The following RIPK1 variants were observed in gnomAD, a reference collection of about 807,000 sequenced individuals.
RIPK1 encodes the protein receptor interacting serine/threonine kinase 1.
Under a neutral mutation model 62.4 loss-of-function variants are expected in RIPK1, and 27 were observed. The ratio of observed to expected loss-of-function variants is 0.43; its 90% CI spans 0.32 to 0.60. The LOEUF is 0.60. RIPK1 is among the 20% of genes least tolerant of loss of function. RIPK1 has a pLI of 0.07. For missense variants in RIPK1, 735 were observed against 831.0 expected (o/e 0.88, Z 1.42); for synonymous variants, 287 against 303.2 (o/e 0.95, Z 0.55).
intron 7 of RIPK1, among the ~76,000 whole-genome samples, chr6:3,100,200 T>A (rs1042075142): frequency 5.9e-5 from 9 of 152,138 alleles, no homozygotes; most frequent in East Asian, 5.8e-4. Context: ...GTTGTACAGA[T>A]CACTTGAGGT....
At chr6:3,082,134 C>T (rs1444438342) in intron 4 of RIPK1, among the ~76,000 whole-genome samples, 2 of 152,116 alleles carry the variant, frequency 1.3e-5, no homozygotes, top group African/African-American at 2.4e-5. Context: ...GCACAAGAAT[C>T]CAAAAGGGGA....
At chr6:3,087,751 G>A (rs1051542020) in intron 6 of RIPK1, among the ~76,000 whole-genome samples, 12 of 151,124 alleles carry the variant, frequency 7.9e-5, no homozygotes, top group African/African-American at 2.2e-4. Context: ...GTGTTAGCCA[G>A]GATGGTCTCC....
chr6:3,107,330 G>A (rs1760902728), intron 9 of RIPK1, among the ~76,000 whole-genome samples: 1 of 149,498 alleles, frequency 6.7e-6, no homozygotes, highest in Admixed American at 6.7e-5. Context: ...GCCGAGGTGG[G>A]AAGATCACGA....
At position 3,105,382 on chromosome 6, in the gene RIPK1, G is replaced by C; in HGVS notation, c.1007-100G>C. ...TGGACTGGTCTCGTACTTGTTTTCT[G>C]TGTGTTACTTTGAGATACAGATTCA... is the stretch of plus-strand genomic sequence containing the variant. On this transcript the variant is annotated intron_variant, in intron 8 of 10. Coordinates refer to ENST00000259808, the MANE Select transcript of RIPK1 (RefSeq NM_001354930.2). This position sits in a 1 kb window ranked among gnomAD's most constrained non-coding sequence, Gnocchi z 4.5. 1 of 915,502 alleles carries C rather than the reference G, an allele frequency of 1.1e-6. No homozygotes were observed. 56.7% of individuals were successfully genotyped at this position (915,502 alleles called of 1,614,324 possible).
At chr6:3,068,403 C>T, upstream of RIPK1, 1 of 985,474 alleles carries the variant, frequency 1.0e-6, no homozygotes, top group Non-Finnish European at 1.2e-6. Flanking sequence ...GACTCAGACC[C>T]CGGGCGCGAG....
intron 9 of RIPK1, among the ~76,000 whole-genome samples, chr6:3,110,536 C>A (rs1210564057): frequency 6.6e-6 from 1 of 151,886 alleles, no homozygotes; most frequent in Non-Finnish European, 1.5e-5. Context: ...AGCAGCTGCA[C>A]CATTTCACAT....
At chr6:3,087,170 C>T (rs1759741305) in intron 6 of RIPK1, among the ~76,000 whole-genome samples, 1 of 152,004 alleles carries the variant, frequency 6.6e-6, no homozygotes, top group Admixed American at 6.6e-5. Flanking sequence ...CTTTATTTTT[C>T]AGAGATTTAG....
At position 3,113,091 on chromosome 6, in the gene RIPK1, A is replaced by G. The variant is rs1761247939; in HGVS notation, c.1768A>G (p.Ile590Val). ...TCTGACGGATAAACACCTGGACCCA[A>G]TCAGGGAAAATCTGGGAAAGCACTG... The part of the protein sequence containing the change: ...TSLTDKHLDP[I>V]RENLGKHWKN... The change falls in exon 11 of 11, where the codon ATC becomes GTC. Residue 590 changes from isoleucine (I) to valine (V), a missense_variant. Transcript: ENST00000259808. This position sits in a 1 kb window ranked among gnomAD's most constrained non-coding sequence, Gnocchi z 5.0. The G allele has an allele frequency of 6.3e-7, 1 of 1,595,826 alleles. No homozygotes were observed. The highest frequency in any genetic ancestry group is 8.6e-7 in the Non-Finnish European group (1 of 1,168,788).
At chr6:3,076,041 C>T (rs1265687596) in intron 1 of RIPK1, among the ~76,000 whole-genome samples, 4 of 152,030 alleles carry the variant, frequency 2.6e-5, no homozygotes, top group African/African-American at 7.3e-5. Context: ...TTCTGGATGG[C>T]GAGGTTGGCA....
At chr6:3,066,852 GACTCCACTGCCCTAA>G (rs992197916), upstream of RIPK1, among the ~76,000 whole-genome samples, 22 of 152,088 alleles carry the variant, frequency 1.4e-4, no homozygotes, top group African/African-American at 4.8e-4. Context: ...TGTAACGTCA[GACTCCACTGCCCTAA>G]AAATCCCTTG....
chr6:3,101,022 C>T (rs113785938), intron 7 of RIPK1, among the ~76,000 whole-genome samples: 3,860 of 152,232 alleles, frequency 0.025, 175 homozygotes, highest in African/African-American at 0.088. Context: ...CAGGGTGGCT[C>T]GTGCCTGTAA....
chr6:3,110,266 G>A (rs1381621662), intron 9 of RIPK1, among the ~76,000 whole-genome samples: 1 of 146,880 alleles, frequency 6.8e-6, no homozygotes, highest in Non-Finnish European at 1.5e-5. Context: ...GAGTGCAGTG[G>A]CACGATCTTG....
chr6:3,098,930 C>T (rs1475669531), intron 7 of RIPK1, among the ~76,000 whole-genome samples: 3 of 152,202 alleles, frequency 2.0e-5, no homozygotes, highest in Non-Finnish European at 4.4e-5. Context: ...TTTATCCCCT[C>T]GCCTTTCTCA....
chr6:3,082,726 A>G (rs930524002), intron 4 of RIPK1, among the ~76,000 whole-genome samples: 3 of 152,198 alleles, frequency 2.0e-5, no homozygotes, highest in Non-Finnish European at 4.4e-5. Context: ...TTTCCCCCCA[A>G]GCCCTAGAAA....
At position 3,110,918 on chromosome 6, in the gene RIPK1, C is replaced by G; in HGVS notation, c.1692C>G (p.Phe564Leu). The change falls in exon 10 of 11, where the codon TTC (phenylalanine) becomes TTG (leucine). Residue 564 changes from phenylalanine (F) to leucine (L), a missense_variant. Around this residue, in one of 2 missense-constraint regions of RIPK1, gnomAD observed 671 missense variants for 726.2 expected, o/e 0.92. Transcript: ENST00000259808. ...TACTAGACAGCACAAATACGAACTTCAAAGAAGAGCCAGCTGCTAAGTACC... is the reference window on the plus strand; with the variant it reads ...TACTAGACAGCACAAATACGAACTTGAAAGAAGAGCCAGCTGCTAAGTACC... The part of the protein sequence containing the change: ...SSLLDSTNTN[F>L]KEEPAAKYQA... The G allele has an allele frequency of 6.2e-7, 1 of 1,613,456 alleles. No homozygotes were observed. The highest frequency in any genetic ancestry group is 8.5e-7 in the Non-Finnish European group (1 of 1,179,704).
chr6:3,065,129 C>T (rs564762651), upstream of RIPK1, among the ~76,000 whole-genome samples: 353 of 151,698 alleles, frequency 2.3e-3, 2 homozygotes, highest in Non-Finnish European at 2.6e-3. Context: ...TGGTGGCGGG[C>T]GCCTGTAGTC....
chr6:3,096,324 C>A (rs1261645346), intron 7 of RIPK1, among the ~76,000 whole-genome samples: 1 of 151,996 alleles, frequency 6.6e-6, no homozygotes, highest in African/African-American at 2.4e-5. Flanking sequence ...TCAAAAGTAT[C>A]TTTTAAATTA....
intron 1 of RIPK1, among the ~76,000 whole-genome samples, chr6:3,076,233 A>T (rs1442290752): frequency 6.6e-6 from 1 of 152,210 alleles, no homozygotes; most frequent in Non-Finnish European, 1.5e-5. Flanking sequence ...TGCCAGAAAT[A>T]AAAAGGCTGA....
intron 6 of RIPK1, among the ~76,000 whole-genome samples, chr6:3,088,480 TCTC>T (rs1456955396): frequency 1.3e-5 from 2 of 152,238 alleles, no homozygotes; most frequent in Non-Finnish European, 2.9e-5. Flanking sequence ...ATTCTTGTGT[TCTC>T]CTGACACCAT....
Sources: gnomAD v4.1 joint callset for allele counts (sites outside exome capture counted in the v4.1 genomes callset) on GRCh38, gnomAD v4.1.1 for gene constraint, gnomAD v4.1.1 regional missense constraint, Gnocchi (gnomAD v3.1) non-coding constraint, MANE v1.5 for transcripts, NCBI Gene and HGNC (gene_info 2026-07-23, HGNC 2026-07-21) for gene names.